ANK3: variants seen among roughly 807,000 people sequenced by gnomAD.
ANK3 encodes the protein ankyrin 3.
In ANK3, 57 loss-of-function variants were observed where a neutral mutation model predicts 370.9. That is an observed-to-expected ratio of 0.15 (90% CI 0.12 to 0.19). The LOEUF (loss-of-function observed/expected upper bound fraction) is 0.19. ANK3 is among the 10% of genes least tolerant of loss of function. ANK3 has a pLI of 1.00. For synonymous variants in ANK3, 1,929 were observed against 1,946.3 expected, an observed-to-expected ratio of 0.99 and a Z score of 0.23; for missense variants, 4,439 against 5,302.1, an observed-to-expected ratio of 0.84 and a Z score of 5.06.
chr10:60,157,458 G>GC (rs891358216), intron 23 of ANK3, among the ~76,000 whole-genome samples: 36 of 151,466 alleles, frequency 2.4e-4, no homozygotes, highest in African/African-American at 7.3e-4. Context: ...CTTAAACACT[G>GC]CAAGTACTTG....
chr10:60,390,072 G>T (rs867756855), upstream of ANK3, among the ~76,000 whole-genome samples: 7 of 152,156 alleles, frequency 4.6e-5, no homozygotes, highest in Admixed American at 2.0e-4. Flanking sequence ...CTGATAGAAT[G>T]GAGCTGTTCC....
chr10:60,183,490 G>A (rs954327823), intron 17 of ANK3, among the ~76,000 whole-genome samples: 1 of 151,932 alleles, frequency 6.6e-6, no homozygotes, highest in South Asian at 2.1e-4. Context: ...CAATATGAAG[G>A]TAACCACAGC....
At chr10:60,273,151 G>A (rs1566155390) in intron 4 of ANK3, among the ~76,000 whole-genome samples, 1 of 152,138 alleles carries the variant, frequency 6.6e-6, no homozygotes, top group Non-Finnish European at 1.5e-5. Flanking sequence ...ACAGAATTAG[G>A]ACTACTTAGA....
At chr10:60,193,472 A>T (rs2096530050) in intron 16 of ANK3, among the ~76,000 whole-genome samples, 1 of 151,140 alleles carries the variant, frequency 6.6e-6, no homozygotes. Context: ...GCTGGCCAAC[A>T]TGAAGAAACC....
intron 2 of ANK3, among the ~76,000 whole-genome samples, chr10:60,603,320 C>T (rs1252968314): frequency 6.6e-6 from 1 of 152,142 alleles, no homozygotes; most frequent in Non-Finnish European, 1.5e-5. Context: ...ATGGTAAAGA[C>T]AGCTCATCCT....
intron 2 of ANK3, among the ~76,000 whole-genome samples, chr10:60,563,712 T>C (rs926075721): frequency 3.9e-5 from 6 of 152,108 alleles, no homozygotes; most frequent in Non-Finnish European, 8.8e-5. Context: ...ATTTTGAAAT[T>C]ATGGAGAAGA....
intron 1 of ANK3, among the ~76,000 whole-genome samples, chr10:60,712,626 C>T (rs151031820): frequency 6.6e-6 from 1 of 151,976 alleles, no homozygotes; most frequent in Admixed American, 6.6e-5. Flanking sequence ...ATACTTTAAA[C>T]ACAAAGGGTT....
intron 2 of ANK3, among the ~76,000 whole-genome samples, chr10:60,517,275 C>G (rs2076242407): frequency 6.6e-6 from 1 of 152,084 alleles, no homozygotes; most frequent in Non-Finnish European, 1.5e-5. Context: ...GTTGGCCAGG[C>G]TGGTCTCAAA....
intron 1 of ANK3, among the ~76,000 whole-genome samples, chr10:60,336,294 G>A (rs183273270): frequency 2.6e-5 from 4 of 152,210 alleles, no homozygotes; most frequent in East Asian, 3.9e-4. Flanking sequence ...TCTTGAGAAG[G>A]AGAAAAGTTT....
intron 16 of ANK3, among the ~76,000 whole-genome samples, chr10:60,189,366 G>A (rs2096423769): frequency 6.6e-6 from 1 of 152,016 alleles, no homozygotes; most frequent in Non-Finnish European, 1.5e-5. Flanking sequence ...TACAGGGAGA[G>A]ACAGAGACAG....
chr10:60,185,170 T>G (rs2096291834), intron 17 of ANK3, among the ~76,000 whole-genome samples: 1 of 152,190 alleles, frequency 6.6e-6, no homozygotes, highest in Non-Finnish European at 1.5e-5. Context: ...AAAATGTGTT[T>G]GCTCTGTAAT....
chr10:60,551,100 C>T (rs997734697), intron 2 of ANK3, among the ~76,000 whole-genome samples: 5 of 151,970 alleles, frequency 3.3e-5, no homozygotes, highest in African/African-American at 7.2e-5. Flanking sequence ...CAATAAAGTG[C>T]CTGGTTTGGA....
At chr10:60,372,445 T>C (rs1171014808) in intron 1 of ANK3, among the ~76,000 whole-genome samples, 1 of 152,090 alleles carries the variant, frequency 6.6e-6, no homozygotes, top group Non-Finnish European at 1.5e-5. Flanking sequence ...AGCGTTTAAC[T>C]TGAAGAGAAG....
At chr10:60,245,274 C>T (rs1052588457) in intron 7 of ANK3, among the ~76,000 whole-genome samples, 1 of 151,908 alleles carries the variant, frequency 6.6e-6, no homozygotes, top group Non-Finnish European at 1.5e-5. Flanking sequence ...AGTATAAAAA[C>T]ATATTTTCTG....
intron 2 of ANK3, among the ~76,000 whole-genome samples, chr10:60,491,028 A>G (rs899078472): frequency 3.3e-5 from 5 of 152,200 alleles, no homozygotes; most frequent in Non-Finnish European, 7.4e-5. Flanking sequence ...ATGGAATCAT[A>G]TATTATATAC....
At chr10:60,138,129 C>T (rs1483378325) in intron 24 of ANK3, among the ~76,000 whole-genome samples, 1 of 152,106 alleles carries the variant, frequency 6.6e-6, no homozygotes, top group Non-Finnish European at 1.5e-5. Flanking sequence ...TGAGAATAAA[C>T]TCCAGGGTTT....
chr10:60,459,720 C>A (rs2064836219), intron 2 of ANK3, among the ~76,000 whole-genome samples: 1 of 152,128 alleles, frequency 6.6e-6, no homozygotes, highest in Admixed American at 6.6e-5. Flanking sequence ...TGGAATATGA[C>A]CTTAATGAAC....
intron 23 of ANK3, among the ~76,000 whole-genome samples, chr10:60,144,510 C>T (rs1242396771): frequency 2.0e-5 from 3 of 152,118 alleles, no homozygotes; most frequent in Non-Finnish European, 4.4e-5. Context: ...ATACAAAACT[C>T]CCCAAATCTA....
intron 8 of ANK3, among the ~76,000 whole-genome samples, chr10:60,215,912 G>T (rs1219629739): frequency 6.6e-6 from 1 of 152,136 alleles, no homozygotes; most frequent in Non-Finnish European, 1.5e-5. Flanking sequence ...GATGGGAATA[G>T]CATTGAATCA....
Sources: gnomAD v4.1 joint callset for allele counts (sites outside exome capture counted in the v4.1 genomes callset) on GRCh38, gnomAD v4.1.1 for gene constraint, MANE v1.5 for transcripts, NCBI Gene and HGNC (gene_info 2026-07-23, HGNC 2026-07-21) for gene names.